Variants in OSBPL6 observed in about 807,000 individuals in gnomAD.
OSBPL6 encodes the protein oxysterol binding protein like 6.
Under a neutral mutation model 125.8 loss-of-function variants are expected in OSBPL6, and 49 were observed. The observed-to-expected ratio is 0.39, with a 90% confidence interval of 0.31 to 0.49. OSBPL6 has a LOEUF of 0.49. Ranked by LOEUF, OSBPL6 falls within the 20% of genes least tolerant of loss-of-function variation. The probability of loss-of-function intolerance (pLI) is 0.88; values close to 1 mark genes in which losing one functional copy is unlikely to be tolerated. For synonymous variants in OSBPL6, 394 were observed against 391.8 expected (o/e 1.01, Z -0.07); for missense variants, 986 against 1,135.4 (o/e 0.87, Z 1.89).
At chr2:178,226,937 G>A (rs1457018516) in intron 1 of OSBPL6, among the ~76,000 whole-genome samples, 1 of 152,194 alleles carries the variant, frequency 6.6e-6, no homozygotes, top group Non-Finnish European at 1.5e-5. Context: ...GAAATTGTAT[G>A]TTGTGTGAGA....
At chr2:178,349,639 G>A (rs79494785) in intron 12 of OSBPL6, among the ~76,000 whole-genome samples, 2,401 of 152,218 alleles carry the variant, frequency 0.016, 52 homozygotes, top group African/African-American at 0.053. Flanking sequence ...GTTATTGTAC[G>A]CAATCTGGCA....
At chr2:178,395,064 C>T (rs1235507895) in intron 24 of OSBPL6, among the ~76,000 whole-genome samples, 1 of 152,006 alleles carries the variant, frequency 6.6e-6, no homozygotes, top group Non-Finnish European at 1.5e-5. Context: ...GGACATGGGC[C>T]CAGTAGGGGC....
At chr2:178,214,453 A>G (rs756133328) in intron 1 of OSBPL6, among the ~76,000 whole-genome samples, 1 of 152,218 alleles carries the variant, frequency 6.6e-6, no homozygotes, top group Non-Finnish European at 1.5e-5. Context: ...CTAGGCAAGT[A>G]CAAAATCAAT....
At chr2:178,308,251 T>A (rs1686959717) in intron 3 of OSBPL6, among the ~76,000 whole-genome samples, 1 of 152,248 alleles carries the variant, frequency 6.6e-6, no homozygotes, top group South Asian at 2.1e-4. Flanking sequence ...TCCTTCCTTA[T>A]CTCAATCACT....
intron 1 of OSBPL6, among the ~76,000 whole-genome samples, chr2:178,202,276 C>G (rs2089296283): frequency 6.6e-6 from 1 of 152,110 alleles, no homozygotes; most frequent in Non-Finnish European, 1.5e-5. Flanking sequence ...CATTTTCTTT[C>G]TTCTTAAAAG....
chr2:178,232,758 C>T (rs1056175802), intron 1 of OSBPL6, among the ~76,000 whole-genome samples: 2 of 151,890 alleles, frequency 1.3e-5, no homozygotes, highest in Admixed American at 6.6e-5. Context: ...TCTACTCAGC[C>T]CAGTACTTTA....
intron 1 of OSBPL6, among the ~76,000 whole-genome samples, chr2:178,256,493 A>C (rs1436123232): frequency 6.6e-6 from 1 of 152,178 alleles, no homozygotes; most frequent in Admixed American, 6.5e-5. Flanking sequence ...GGTCTTCCTC[A>C]GGCAGCTCCT....
chr2:178,237,151 A>C (rs999471932), intron 1 of OSBPL6, among the ~76,000 whole-genome samples: 4 of 152,082 alleles, frequency 2.6e-5, no homozygotes, highest in African/African-American at 9.7e-5. Context: ...CTGGGCCCTC[A>C]CAGTATACTG....
At chr2:178,349,473 T>A in intron 12 of OSBPL6, 84 bp downstream of exon 12, 2 of 1,472,618 alleles carry the variant, frequency 1.4e-6, no homozygotes, top group Non-Finnish European at 9.2e-7. Context: ...TTTGTCTTTG[T>A]GGTAATGATA....
chr2:178,335,641 AT>A (rs1322168774), intron 8 of OSBPL6, among the ~76,000 whole-genome samples: 1 of 152,200 alleles, frequency 6.6e-6, no homozygotes, highest in East Asian at 1.9e-4. Flanking sequence ...TTTTAAAATT[AT>A]TTCAATTTTT....
chr2:178,208,207 C>T (rs1422290254), intron 1 of OSBPL6, among the ~76,000 whole-genome samples: 1 of 151,674 alleles, frequency 6.6e-6, no homozygotes, highest in Non-Finnish European at 1.5e-5. Context: ...ATTGCTTCAA[C>T]CCCAGCAGGT....
intron 1 of OSBPL6, among the ~76,000 whole-genome samples, chr2:178,282,116 A>G (rs192734067): frequency 6.6e-6 from 1 of 152,206 alleles, no homozygotes; most frequent in Non-Finnish European, 1.5e-5. Flanking sequence ...CTTCTTCCTA[A>G]CTGGAAAGAT....
chr2:178,316,243 T>G (rs1208023982), intron 3 of OSBPL6, among the ~76,000 whole-genome samples: 1 of 152,170 alleles, frequency 6.6e-6, no homozygotes, highest in Admixed American at 6.6e-5. Flanking sequence ...GGAGTGAAAT[T>G]TAGTGATATG....
chr2:178,246,556 C>T lies in OSBPL6; in HGVS notation c.-350-38371C>T, dbSNP rs375783011. On this transcript the variant is annotated intron_variant, in intron 1 of 24. Transcript: ENST00000190611. Reference sequence around the variant, plus strand: ...TGATTACTCCCCAAATCTTCAGTTCCCCTTTCTCCTGAGGTTACGGTCTAG... The same window carrying T: ...TGATTACTCCCCAAATCTTCAGTTCTCCTTTCTCCTGAGGTTACGGTCTAG... 3.3e-5 allele frequency among the ~76,000 whole-genome samples: 5 copies of T among 152,266 alleles called. No homozygotes were observed. In the East Asian group the frequency reaches 9.7e-4, roughly 29 times the overall value.
intron 1 of OSBPL6, among the ~76,000 whole-genome samples, chr2:178,259,272 A>G (rs772209248): frequency 2.6e-5 from 4 of 152,306 alleles, no homozygotes; most frequent in Non-Finnish European, 5.9e-5. Context: ...GACAGAAAGC[A>G]TATATGTCTT....
At chr2:178,387,829 C>T (rs1195575638) in intron 20 of OSBPL6, among the ~76,000 whole-genome samples, 1 of 152,030 alleles carries the variant, frequency 6.6e-6, no homozygotes, top group African/African-American at 2.4e-5. Flanking sequence ...AAGGTGAAAC[C>T]CCATCTCTAC....
At chr2:178,361,837 G>T (rs764243774) in intron 13 of OSBPL6, 22 bp downstream of exon 13, 1 of 1,613,620 alleles carries the variant, frequency 6.2e-7, no homozygotes, top group Non-Finnish European at 8.5e-7. Context: ...GTGTGTGTTT[G>T]CATGTACATG....
chr2:178,226,898 G>A (rs1339331254), intron 1 of OSBPL6, among the ~76,000 whole-genome samples: 1 of 152,128 alleles, frequency 6.6e-6, no homozygotes, highest in African/African-American at 2.4e-5. Flanking sequence ...TTAAAATTAA[G>A]AATATTGTTA....
intron 23 of OSBPL6, 37 bp from the exon 24 acceptor site, chr2:178,394,276 G>A (rs779527860): frequency 2.5e-6 from 4 of 1,599,548 alleles, no homozygotes; most frequent in Admixed American, 1.8e-5. Context: ...CCAGAAAAGA[G>A]GATAATATGT....
Sources: allele counts gnomAD v4.1 joint callset (sites outside exome capture counted in the v4.1 genomes callset), GRCh38; gene constraint gnomAD v4.1.1; transcripts MANE v1.5; gene names NCBI Gene and HGNC (gene_info 2026-07-23, HGNC 2026-07-21).